The following NLGN1 variants were observed in gnomAD, a reference collection of about 807,000 sequenced individuals.
The protein encoded by NLGN1 is neuroligin-1.
In NLGN1, 12 loss-of-function variants were observed where a neutral mutation model predicts 65.5. The ratio of observed to expected loss-of-function variants is 0.18; its 90% CI spans 0.12 to 0.30. The LOEUF is 0.30. Ranked by LOEUF, NLGN1 falls within the 10% of genes least tolerant of loss-of-function variation. The pLI is 1.00. For synonymous variants in NLGN1, 350 were observed against 359.5 expected, an observed-to-expected ratio of 0.97 and a Z score of 0.30; for missense variants, 750 against 1,007.1, an observed-to-expected ratio of 0.74 and a Z score of 3.46.
chr3:174,082,757 G>C (rs1373570941), intron 4 of NLGN1, among the ~76,000 whole-genome samples: 1 of 151,656 alleles, frequency 6.6e-6, no homozygotes, highest in Non-Finnish European at 1.5e-5. Flanking sequence ...GTTCATTCTT[G>C]TTGCCCAGGG....
intron 4 of NLGN1, among the ~76,000 whole-genome samples, chr3:174,265,779 A>ATG (rs201256363): frequency 0.1 from 13,243 of 126,460 alleles, 650 homozygotes; most frequent in Non-Finnish European, 0.12. Flanking sequence ...ATATATATAT[A>ATG]TATGTATATA....
intron 4 of NLGN1, among the ~76,000 whole-genome samples, chr3:174,011,607 G>A (rs1356124911): frequency 6.6e-6 from 1 of 152,044 alleles, no homozygotes; most frequent in Non-Finnish European, 1.5e-5. Flanking sequence ...AGAAACCTGG[G>A]TTCAAGTGTA....
At chr3:173,760,292 T>C (rs1777785061) in intron 3 of NLGN1, among the ~76,000 whole-genome samples, 1 of 151,994 alleles carries the variant, frequency 6.6e-6, no homozygotes, top group African/African-American at 2.4e-5. Flanking sequence ...TTTGTCTTTG[T>C]ATGCTTCACA....
chr3:173,963,622 A>C (rs987683517), intron 4 of NLGN1, among the ~76,000 whole-genome samples: 10 of 152,202 alleles, frequency 6.6e-5, no homozygotes, highest in Non-Finnish European at 1.3e-4. Flanking sequence ...GATTTGTGGA[A>C]TTTGGATATT....
intron 4 of NLGN1, among the ~76,000 whole-genome samples, chr3:174,120,371 G>A (rs539366766): frequency 2.7e-4 from 41 of 151,908 alleles, no homozygotes; most frequent in African/African-American, 8.9e-4. Context: ...GCTGGACATC[G>A]TGGTGCATGC....
chr3:173,633,740 A>G, intron 3 of NLGN1, among the ~76,000 whole-genome samples: 1 of 152,138 alleles, frequency 6.6e-6, no homozygotes. Context: ...TTGGGTGAAG[A>G]ATATTAGACT....
At chr3:173,881,428 T>TTC (rs2150928338) in intron 4 of NLGN1, among the ~76,000 whole-genome samples, 1 of 137,070 alleles carries the variant, frequency 7.3e-6, no homozygotes, top group African/African-American at 2.8e-5. Flanking sequence ...CCTTTTTTTT[T>TTC]TTTTTTTTTT....
At chr3:173,539,741 T>TGTGCATATGCACATATATACATATAG (rs1553879545) in intron 2 of NLGN1, among the ~76,000 whole-genome samples, 2,500 of 129,928 alleles carry the variant, frequency 0.019, 211 homozygotes, top group African/African-American at 0.073. Context: ...TATACATATA[T>TGTGCATATGCACATATATACATATAG]GTACATATAT....
intron 4 of NLGN1, among the ~76,000 whole-genome samples, chr3:174,194,514 A>G (rs1216746566): frequency 6.6e-6 from 1 of 151,948 alleles, no homozygotes; most frequent in Non-Finnish European, 1.5e-5. Flanking sequence ...TAATCCACCT[A>G]TATACACTTC....
chr3:173,820,710 C>T (rs1300981048), intron 4 of NLGN1, among the ~76,000 whole-genome samples: 1 of 152,158 alleles, frequency 6.6e-6, no homozygotes, highest in Admixed American at 6.5e-5. Context: ...TCCTACTCTA[C>T]TGTAAGATAT....
At chr3:173,955,757 C>G (rs1711856451) in intron 4 of NLGN1, among the ~76,000 whole-genome samples, 1 of 152,062 alleles carries the variant, frequency 6.6e-6, no homozygotes, top group Non-Finnish European at 1.5e-5. Context: ...TAGAAATTAT[C>G]TAAAAATTGT....
chr3:173,915,780 TC>T (rs199542285), intron 4 of NLGN1, among the ~76,000 whole-genome samples: 1 of 152,170 alleles, frequency 6.6e-6, no homozygotes, highest in African/African-American at 2.4e-5. Context: ...ATAGCCTTTT[TC>T]TTTCCAGAAA....
At chr3:173,677,342 A>G (rs1273867262) in intron 3 of NLGN1, among the ~76,000 whole-genome samples, 1 of 152,036 alleles carries the variant, frequency 6.6e-6, no homozygotes, top group Non-Finnish European at 1.5e-5. Flanking sequence ...CATCCAGGCT[A>G]GTACAGAAAA....
At chr3:173,812,642 G>A (rs1383196351) in intron 4 of NLGN1, among the ~76,000 whole-genome samples, 2 of 151,528 alleles carry the variant, frequency 1.3e-5, no homozygotes, top group African/African-American at 4.8e-5. Flanking sequence ...GAGGCGGAAG[G>A]ATCAGTTGCG....
chr3:174,043,200 ACAATT>A (rs1732746282), intron 4 of NLGN1, among the ~76,000 whole-genome samples: 1 of 152,182 alleles, frequency 6.6e-6, no homozygotes, highest in South Asian at 2.1e-4. Context: ...TATGGGAACT[ACAATT>A]CAAGATGAGA....
In NLGN1 at chr3:173,874,700, C is replaced by A. The variant is rs1299147835; in HGVS notation, c.646+66868C>A. On this transcript the variant is annotated intron_variant, in intron 4 of 6. Transcript: ENST00000457714. ...AGTTCCACAGACTAAAGTTAAGAAT[C>A]CTTGTCTTAGAGAAATAATAACAGC... Among the ~76,000 whole-genome samples the A allele has an allele frequency of 2.0e-5, 3 of 152,116 alleles. No homozygotes were observed. The East Asian group carries it at 5.8e-4, about 29-fold the overall frequency.
intron 3 of NLGN1, among the ~76,000 whole-genome samples, chr3:173,648,042 A>G (rs1263057642): frequency 2.6e-5 from 4 of 152,126 alleles, no homozygotes; most frequent in African/African-American, 7.2e-5. Context: ...AAAGAAATTG[A>G]CAATCTGAGT....
chr3:173,539,657 G>GTATATATGTACATATATAACATATA (rs1362050556), intron 2 of NLGN1, among the ~76,000 whole-genome samples: 9,126 of 122,798 alleles, frequency 0.074, 675 homozygotes, highest in Middle Eastern at 0.17. Context: ...TATAACATAT[G>GTATATATGTACATATATAACATATA]TGTATATATG....
At chr3:173,805,259 T>C (rs1401796483) in intron 3 of NLGN1, among the ~76,000 whole-genome samples, 1 of 152,152 alleles carries the variant, frequency 6.6e-6, no homozygotes, top group Non-Finnish European at 1.5e-5. Flanking sequence ...ATCTCAGGGT[T>C]ACTTAAAATG....
Sources: allele counts gnomAD v4.1 joint callset (sites outside exome capture counted in the v4.1 genomes callset), GRCh38; gene constraint gnomAD v4.1.1; transcripts MANE v1.5; gene names NCBI Gene and HGNC (gene_info 2026-07-23, HGNC 2026-07-21).